EPB41: variants seen among roughly 807,000 people sequenced by gnomAD.
EPB41 encodes the protein protein 4.1.
In EPB41, 65 loss-of-function variants were observed where a neutral mutation model predicts 108.0. The ratio of observed to expected loss-of-function variants is 0.60; its 90% CI spans 0.49 to 0.74. EPB41 has a LOEUF of 0.74. Ranked by LOEUF, EPB41 falls within the 30% of genes least tolerant of loss-of-function variation. EPB41 has a pLI of 0.00. For missense variants in EPB41, 875 were observed against 1,037.0 expected (o/e 0.84, Z 2.15); for synonymous variants, 336 against 358.9 (o/e 0.94, Z 0.72).
intron 17 of EPB41, among the ~76,000 whole-genome samples, chr1:29,100,497 A>G (rs1188111010): frequency 2.7e-5 from 4 of 147,400 alleles, no homozygotes. Context: ...AAATAAAAGC[A>G]CGTGCATTGC....
At position 28,997,272 on chromosome 1, in the gene EPB41, G is replaced by C. The variant is rs1557964224; in HGVS notation, c.739G>C (p.Glu247Gln). The C allele has an allele frequency of 6.2e-7, 1 of 1,614,146 alleles. No homozygotes were observed. Among genetic ancestry groups the C allele is most frequent in the East Asian group, 2.2e-5 (1 of 44,894 alleles). The change falls in exon 4 of 21, where the codon GAA (glutamate) becomes CAA (glutamine). Residue 247 changes from glutamate (E) to glutamine (Q), a missense_variant. Glu to Gln is a conservative substitution (Grantham distance 29). Around this residue, in one of 3 missense-constraint regions of EPB41, gnomAD observed 353 missense variants for 393.2 expected, o/e 0.90. Transcript: ENST00000343067. ...AGTATGTGAGCATCTCAATCTTTTGGAAGAAGACTATTTTGGTCTAGCCAT... is the reference window on the plus strand; with the variant it reads ...AGTATGTGAGCATCTCAATCTTTTGCAAGAAGACTATTTTGGTCTAGCCAT... Reference protein sequence around the residue: ...KRVCEHLNLLEEDYFGLAIWD... With the variant: ...KRVCEHLNLLQEDYFGLAIWD...
chr1:28,936,910 G>T (rs557762994), intron 1 of EPB41, among the ~76,000 whole-genome samples: 1 of 152,188 alleles, frequency 6.6e-6, no homozygotes, highest in African/African-American at 2.4e-5. Flanking sequence ...TGTGTTTTTG[G>T]TTTTTGTGGA....
chr1:28,975,785 G>A (rs917668674), intron 1 of EPB41, among the ~76,000 whole-genome samples: 1 of 151,856 alleles, frequency 6.6e-6, no homozygotes, highest in South Asian at 2.1e-4. Context: ...TGGCTAACAC[G>A]GTGAAACCCC....
intron 1 of EPB41, among the ~76,000 whole-genome samples, chr1:28,958,642 G>A (rs2149088684): frequency 6.6e-6 from 1 of 151,650 alleles, no homozygotes; most frequent in South Asian, 2.1e-4. Context: ...GTGAAACCCT[G>A]TCTCTACCCA....
chr1:28,963,220 T>C (rs933612871), intron 1 of EPB41, among the ~76,000 whole-genome samples: 4 of 152,192 alleles, frequency 2.6e-5, no homozygotes, highest in African/African-American at 9.7e-5. Flanking sequence ...CCACCATCAA[T>C]GCTTCTATTT....
intron 16 of EPB41, chr1:29,068,801 A>G: frequency 8.1e-6 from 10 of 1,232,004 alleles, no homozygotes; most frequent in Non-Finnish European, 9.1e-6. Flanking sequence ...TGCTGTTATG[A>G]CTTGTGCTTC....
chr1:29,003,412 CTAAGT>C (rs1331471073), intron 4 of EPB41, among the ~76,000 whole-genome samples: 2 of 152,168 alleles, frequency 1.3e-5, no homozygotes, highest in African/African-American at 4.8e-5. Flanking sequence ...CTGCCCCTTC[CTAAGT>C]TATTTTCTTC....
Position 28,987,803 on chromosome 1 carries a change from T to C in EPB41, c.366T>C (p.Leu122=). The change falls in exon 2 of 21, where the codon CTT becomes CTC. Residue 122 remains leucine, a synonymous_variant. Transcript: ENST00000343067. ...GQKEIEFGTS[L]DEEIILKAPI... ...AAGAGATAGAATTTGGAACCAGTCT[T>C]GATGAAGAGATCATTTTAAAGGCCC... 6.2e-7 allele frequency: 1 copy of C among 1,614,070 alleles called. No individual in the cohort carries two copies. The highest frequency in any genetic ancestry group is 1.1e-5 in the South Asian group (1 of 91,084).
At chr1:29,010,094 T>C (rs1055224676) in intron 4 of EPB41, among the ~76,000 whole-genome samples, 1 of 152,120 alleles carries the variant, frequency 6.6e-6, no homozygotes, top group Non-Finnish European at 1.5e-5. Flanking sequence ...CTCAGCACTT[T>C]GGGAGGCCGA....
intron 16 of EPB41, among the ~76,000 whole-genome samples, chr1:29,089,732 A>G (rs527256645): frequency 1.9e-4 from 29 of 152,334 alleles, no homozygotes; most frequent in African/African-American, 7.0e-4. Flanking sequence ...TTGTAGCTGG[A>G]TGAAGCTGGA....
intron 1 of EPB41, among the ~76,000 whole-genome samples, chr1:28,983,952 A>G (rs2095815856): frequency 6.7e-6 from 1 of 149,050 alleles, no homozygotes; most frequent in South Asian, 2.2e-4. Context: ...CACAGGAATG[A>G]ATTGAAGAAT....
intron 1 of EPB41, among the ~76,000 whole-genome samples, chr1:28,981,391 A>G (rs892061866): frequency 5.3e-5 from 8 of 152,176 alleles, no homozygotes; most frequent in Non-Finnish European, 1.0e-4. Context: ...ATGTGAATGT[A>G]TTCTCTGAGG....
intron 1 of EPB41, among the ~76,000 whole-genome samples, chr1:28,920,143 T>C (rs1421780387): frequency 1.3e-5 from 2 of 152,212 alleles, no homozygotes; most frequent in Non-Finnish European, 2.9e-5. Flanking sequence ...ATAAGAAATA[T>C]GACTGTGAGT....
chr1:28,984,529 A>AT (rs2095829835), intron 1 of EPB41, among the ~76,000 whole-genome samples: 1 of 152,180 alleles, frequency 6.6e-6, no homozygotes, highest in African/African-American at 2.4e-5. Flanking sequence ...CCTGATAAGA[A>AT]TTTGTTGAAT....
In EPB41 at chr1:29,033,186, A is replaced by G; in HGVS notation, c.1306A>G (p.Lys436Glu). The change falls in exon 9 of 21, where the codon AAA becomes GAA. Residue 436 changes from lysine to glutamate, a missense_variant. Physicochemically the swap from Lys to Glu is moderately conservative, Grantham distance 56. This residue lies in a region of EPB41 where 519 missense variants were observed against 627.3 expected (regional missense o/e 0.83). Coordinates refer to ENST00000343067, the MANE Select transcript of EPB41 (RefSeq NM_001376013.1). The part of the protein sequence containing the change: ...KLRINRFPWP[K>E]VLKISYKRSS... ...GAGAATTAACCGCTTCCCTTGGCCC[A>G]AAGTGCTGAAGATTTCTTATAAACG... 6.2e-7 allele frequency: 1 copy of G among 1,614,008 alleles called. No individual in the cohort carries two copies. The highest frequency in any genetic ancestry group is 8.5e-7 in the Non-Finnish European group (1 of 1,179,954).
chr1:29,027,330 C>T (rs1436755055), intron 7 of EPB41, among the ~76,000 whole-genome samples: 2 of 142,328 alleles, frequency 1.4e-5, no homozygotes, highest in Admixed American at 7.1e-5. Context: ...GACAAGGTCT[C>T]TCAACATTTT....
At chr1:29,010,985 G>A (rs1396008358) in intron 4 of EPB41, among the ~76,000 whole-genome samples, 1 of 152,040 alleles carries the variant, frequency 6.6e-6, no homozygotes, top group Admixed American at 6.6e-5. Context: ...TGGCATGGTG[G>A]CATGCACCTG....
intron 16 of EPB41, among the ~76,000 whole-genome samples, chr1:29,085,304 G>A (rs1013579747): frequency 2.6e-5 from 4 of 151,622 alleles, no homozygotes; most frequent in South Asian, 2.1e-4. Flanking sequence ...CACCATGCCC[G>A]GCTAATTTTT....
rs142956719 is a variant in EPB41 at position 29,032,454 on chromosome 1, T to C, written c.1213-639T>C. The stretch of plus-strand genomic sequence containing the variant: ...GTATGTAATTCCTGCTTCTCTGTTA[T>C]AACACGTGTAGGCACTAATATATTT... On this transcript the variant is annotated intron_variant, in intron 8 of 20. Coordinates refer to ENST00000343067, the MANE Select transcript of EPB41 (RefSeq NM_001376013.1). Among the ~76,000 whole-genome samples the C allele has an allele frequency of 3.8e-3, 573 of 152,302 alleles. 6 individuals carry two copies. Among genetic ancestry groups the C allele is most frequent in the African/African-American group, 0.013 (532 of 41,580 alleles).
Sources: gnomAD v4.1 joint callset for allele counts (sites outside exome capture counted in the v4.1 genomes callset) on GRCh38, gnomAD v4.1.1 for gene constraint, gnomAD v4.1.1 regional missense constraint, MANE v1.5 for transcripts, NCBI Gene and HGNC (gene_info 2026-07-23, HGNC 2026-07-21) for gene names.